Variants in TRHDE observed in about 807,000 individuals in gnomAD.
The protein encoded by TRHDE is thyrotropin releasing hormone degrading enzyme.
TRHDE carries 72 observed loss-of-function variants against 125.7 expected under a neutral mutation model. That is an observed-to-expected ratio of 0.57 (90% CI 0.47 to 0.70). TRHDE has a LOEUF of 0.70. Ranked by LOEUF, TRHDE falls within the 30% of genes least tolerant of loss-of-function variation. The pLI is 0.00. For missense variants in TRHDE, 1,110 were observed against 1,327.1 expected, an observed-to-expected ratio of 0.84 and a Z score of 2.54; for synonymous variants, 509 against 509.1, an observed-to-expected ratio of 1.00 and a Z score of 0.00.
At chr12:72,451,128 T>A in intron 3 of TRHDE, among the ~76,000 whole-genome samples, 1 of 152,190 alleles carries the variant, frequency 6.6e-6, no homozygotes, top group East Asian at 1.9e-4. Context: ...TAGTTTGATA[T>A]AATCTGATTT....
intron 2 of TRHDE, among the ~76,000 whole-genome samples, chr12:72,242,346 C>T (rs1248443707): frequency 1.3e-5 from 2 of 152,156 alleles, no homozygotes; most frequent in Non-Finnish European, 2.9e-5. Flanking sequence ...ATTTACCCTG[C>T]TCTGCCACAT....
At chr12:72,277,443 T>G (rs1448507697) in intron 1 of TRHDE, among the ~76,000 whole-genome samples, 1 of 152,218 alleles carries the variant, frequency 6.6e-6, no homozygotes, top group East Asian at 1.9e-4. Context: ...GGTAAGAAGA[T>G]AGCTTAACAT....
chr12:72,255,461 C>T (rs1878789960), intron 2 of TRHDE: 3 of 152,206 alleles, frequency 2.0e-5, no homozygotes, highest in Non-Finnish European at 4.4e-5. Context: ...AGTAGGTTCC[C>T]CAAGGTTCGA....
chr12:72,564,310 C>T (rs1309974231), intron 9 of TRHDE, among the ~76,000 whole-genome samples: 1 of 152,126 alleles, frequency 6.6e-6, no homozygotes, highest in African/African-American at 2.4e-5. Context: ...CTTCTGATGT[C>T]TGGCCCCAGG....
At chr12:72,512,459 A>ATATATAT (rs1220751748) in intron 6 of TRHDE, among the ~76,000 whole-genome samples, 1 of 138,062 alleles carries the variant, frequency 7.2e-6, no homozygotes, top group African/African-American at 2.8e-5. Flanking sequence ...TATAATTATA[A>ATATATAT]TATATTATAT....
chr12:72,656,926 G>A lies in TRHDE; in HGVS notation c.2985-1G>A, dbSNP rs1436039336. On this transcript the variant is annotated splice_acceptor_variant, in intron 17 of 18. Transcript: ENST00000261180. LOFTEE classifies it high-confidence loss of function. Reference sequence around the variant, plus strand: ...CATTAAGACTCTTTTTTTCTTTTGAGGTATGGAGAAGCATTGTTTATGAAT... The same window carrying A: ...CATTAAGACTCTTTTTTTCTTTTGAAGTATGGAGAAGCATTGTTTATGAAT... 1 of 1,597,040 alleles carries A rather than the reference G, an allele frequency of 6.3e-7. No individual in the cohort carries two copies. The highest frequency in any genetic ancestry group is 1.7e-5 in the Admixed American group (1 of 58,402).
At chr12:72,338,558 A>G (rs1415044901) in intron 2 of TRHDE, among the ~76,000 whole-genome samples, 1 of 152,182 alleles carries the variant, frequency 6.6e-6, no homozygotes, top group Non-Finnish European at 1.5e-5. Context: ...TCCACTCATT[A>G]TATGACTTTG....
chr12:72,150,761 G>C (rs539097558), intron 2 of TRHDE, among the ~76,000 whole-genome samples: 1 of 151,964 alleles, frequency 6.6e-6, no homozygotes, highest in East Asian at 1.9e-4. Context: ...GTATTCCATG[G>C]TGTATATGTG....
At position 72,186,380 on chromosome 12, in the gene TRHDE, G is replaced by C. The variant is rs191178041; in HGVS notation, n.279+80628G>C. 778 of 155,522 alleles carry C rather than the reference G, an allele frequency of 5.0e-3. 6 individuals carry two copies. Among genetic ancestry groups the C allele is most frequent in the African/African-American group, 0.018 (756 of 41,078 alleles). 9.6% of individuals were successfully genotyped at this position (155,522 alleles called of 1,614,324 possible). On this transcript the variant is annotated intron_variant and non_coding_transcript_variant, in intron 2 of 4. Transcript: ENST00000548156. ...CCAGGAGGAACGAACAACTCCAGACGCGCTGCCTTAAGAGCTGTAACACTC... is the reference window on the plus strand; with the variant it reads ...CCAGGAGGAACGAACAACTCCAGACCCGCTGCCTTAAGAGCTGTAACACTC...
chr12:72,216,907 G>A (rs1265720137), intron 2 of TRHDE, among the ~76,000 whole-genome samples: 6 of 151,380 alleles, frequency 4.0e-5, no homozygotes, highest in Admixed American at 6.6e-5. Context: ...AAAGTAAATA[G>A]CAACCTAACT....
chr12:72,261,228 C>T (rs535779940), intron 2 of TRHDE, among the ~76,000 whole-genome samples: 10 of 152,180 alleles, frequency 6.6e-5, no homozygotes, highest in South Asian at 6.2e-4. Context: ...TTGATGGTAC[C>T]GGACTGGACT....
intron 7 of TRHDE, among the ~76,000 whole-genome samples, chr12:72,551,925 CG>C (rs1331348205): frequency 1.3e-5 from 2 of 151,836 alleles, no homozygotes; most frequent in Admixed American, 6.6e-5. Context: ...GGAAGAAAGA[CG>C]GGGGTCAGGG....
chr12:72,167,111 C>T (rs1277663789), intron 2 of TRHDE, among the ~76,000 whole-genome samples: 2 of 152,120 alleles, frequency 1.3e-5, no homozygotes, highest in Non-Finnish European at 2.9e-5. Context: ...CACTCTGAGA[C>T]ATGGTTCTTA....
At chr12:72,469,339 T>C (rs1282575843) in intron 3 of TRHDE, among the ~76,000 whole-genome samples, 1 of 152,234 alleles carries the variant, frequency 6.6e-6, no homozygotes, top group African/African-American at 2.4e-5. Flanking sequence ...AGATATAAAA[T>C]GTTTTCTCTT....
At chr12:72,169,944 AG>A (rs1445615153) in intron 2 of TRHDE, among the ~76,000 whole-genome samples, 1 of 152,146 alleles carries the variant, frequency 6.6e-6, no homozygotes, top group African/African-American at 2.4e-5. Context: ...TTAGGACAAA[AG>A]AAAAAGCCAG....
intron 15 of TRHDE, among the ~76,000 whole-genome samples, chr12:72,647,196 A>T (rs1263040272): frequency 6.6e-6 from 1 of 152,094 alleles, no homozygotes; most frequent in African/African-American, 2.4e-5. Context: ...AAATATGTGG[A>T]TTAAGCAAGA....
At chr12:72,495,261 T>TC (rs1402251320) in intron 5 of TRHDE, among the ~76,000 whole-genome samples, 2 of 151,896 alleles carry the variant, frequency 1.3e-5, no homozygotes, top group African/African-American at 4.8e-5. Context: ...CATCACCACA[T>TC]CCCACTTCCT....
intron 2 of TRHDE, among the ~76,000 whole-genome samples, chr12:72,165,143 C>T (rs909115751): frequency 2.0e-5 from 3 of 152,092 alleles, no homozygotes; most frequent in African/African-American, 7.2e-5. Context: ...TCTGTCAGCA[C>T]GTGGATGAGC....
intron 7 of TRHDE, among the ~76,000 whole-genome samples, chr12:72,545,285 A>G (rs943191282): frequency 2.6e-4 from 39 of 151,604 alleles, no homozygotes; most frequent in African/African-American, 9.4e-4. Flanking sequence ...ATATTTTGAG[A>G]AACATGAGGC....
Sources: allele counts gnomAD v4.1 joint callset (sites outside exome capture counted in the v4.1 genomes callset), GRCh38; gene constraint gnomAD v4.1.1; transcripts MANE v1.5; gene names NCBI Gene and HGNC (gene_info 2026-07-23, HGNC 2026-07-21).